The following LAMC3 variants were observed in gnomAD, a reference collection of about 807,000 sequenced individuals.
The protein encoded by LAMC3 is laminin subunit gamma-3.
Under a neutral mutation model 173.8 loss-of-function variants are expected in LAMC3, and 128 were observed. The ratio of observed to expected loss-of-function variants is 0.74; its 90% confidence interval spans 0.64 to 0.85. The LOEUF (loss-of-function observed/expected upper bound fraction) is 0.85. Among genes scored for constraint, LAMC3 ranks in the 40% least tolerant of loss-of-function variants. The pLI is 0.00. For synonymous variants in LAMC3, 897 were observed against 909.1 expected, an observed-to-expected ratio of 0.99 and a Z score of 0.24; for missense variants, 2,022 against 2,156.0, an observed-to-expected ratio of 0.94 and a Z score of 1.23.
rs1833936941 is a variant in LAMC3 at position 131,036,031 on chromosome 9, G to A, written c.810-135G>A. ...GTTACTGCTGCCCCCAGGGCACATAGTAGGTGTTCAGTGAGGGCCAAGATT... is the reference window on the plus strand; with the variant it reads ...GTTACTGCTGCCCCCAGGGCACATAATAGGTGTTCAGTGAGGGCCAAGATT... On this transcript the variant is annotated intron_variant, in intron 3 of 27. Coordinates refer to ENST00000361069, the MANE Select transcript of LAMC3 (RefSeq NM_006059.4). 9 of 881,066 alleles carry A rather than the reference G, an allele frequency of 1.0e-5. No homozygotes were observed. In the Admixed American group the frequency reaches 1.0e-4, roughly 10 times the overall value. The allele number at this position is 881,066 out of a possible 1,614,324, so 54.6% of individuals were successfully genotyped here.
intron 3 of LAMC3, among the ~76,000 whole-genome samples, chr9:131,032,476 C>G (rs374248822): frequency 6.6e-6 from 1 of 151,664 alleles, no homozygotes; most frequent in East Asian, 2.0e-4. Context: ...CGCTCTCGCT[C>G]TCTTTCTCTC....
intron 1 of LAMC3, among the ~76,000 whole-genome samples, chr9:131,019,616 T>C (rs748311293): frequency 5.3e-5 from 8 of 152,218 alleles, no homozygotes; most frequent in Non-Finnish European, 1.0e-4. Flanking sequence ...TTACTCACAC[T>C]GTATGGCTGA....
At chr9:131,053,208 G>A (rs1424671120) in intron 11 of LAMC3, among the ~76,000 whole-genome samples, 19 of 152,328 alleles carry the variant, frequency 1.2e-4, no homozygotes, top group Middle Eastern at 3.4e-3. Flanking sequence ...CCTGAAGGAT[G>A]GGCCTCAGAG....
chr9:131,064,770 T>C lies in LAMC3; in HGVS notation c.2348-2190T>C, dbSNP rs1223047801. 3.3e-4 allele frequency among the ~76,000 whole-genome samples: 50 copies of C among 151,732 alleles called. 2 individuals carry two copies. Among genetic ancestry groups the C allele is most frequent in the Admixed American group, 3.3e-3 (50 of 15,242 alleles). Reference sequence around the variant, plus strand: ...CATGTGAGCAGCCGGGCGTGGTGGCTTACACCTGTAATCCCAGCACTTTGG... The same window carrying C: ...CATGTGAGCAGCCGGGCGTGGTGGCCTACACCTGTAATCCCAGCACTTTGG... On this transcript the variant is annotated intron_variant, in intron 13 of 27. Transcript: ENST00000361069.
At chr9:131,032,433 T>TCCTTCCTTCCTTCCTCCCTCCCTTCCTC (rs1365309775) in intron 3 of LAMC3, among the ~76,000 whole-genome samples, 1 of 151,214 alleles carries the variant, frequency 6.6e-6, no homozygotes, top group Non-Finnish European at 1.5e-5. Flanking sequence ...GGAGGTTCCT[T>TCCTTCCTTCCTTCCTCCCTCCCTTCCTC]CCTTCCTCCC....
chr9:131,009,463 G>C lies in LAMC3; in HGVS notation c.249G>C (p.Gln83His). Residue 83 changes from glutamine (Q) to histidine (H), a missense_variant, in exon 1 of 28, where the codon CAG becomes CAC. Transcript: ENST00000361069. This position sits in a 1 kb window ranked among gnomAD's most constrained non-coding sequence, Gnocchi z 4.3. ...AGCGCTGCGACGCCGCCGACCCCCA[G>C]CGCCACCACAACGCCTCCTACCTCA... ...HCQRCDAADP[Q>H]RHHNASYLTD... The C allele has an allele frequency of 1.9e-6, 3 of 1,548,314 alleles. No individual in the cohort carries two copies. The highest frequency in any genetic ancestry group is 2.6e-6 in the Non-Finnish European group (3 of 1,146,538).
At chr9:131,032,449 C>CCCTTCCTCCCTTCCTCCCTT (rs1554784003) in intron 3 of LAMC3, among the ~76,000 whole-genome samples, 3 of 151,434 alleles carry the variant, frequency 2.0e-5, no homozygotes, top group Non-Finnish European at 4.4e-5. Context: ...CTCCCTCCCT[C>CCCTTCCTCCCTTCCTCCCTT]CCTCCCTTCC....
At chr9:131,045,801 G>C (rs979615589) in intron 8 of LAMC3, 141 bp downstream of exon 8, 2 of 1,088,626 alleles carry the variant, frequency 1.8e-6, no homozygotes, top group Non-Finnish European at 2.7e-6. Flanking sequence ...GTGGGGTCGG[G>C]GGTGAGATGA....
chr9:131,031,317 C>A (rs570593293), intron 2 of LAMC3, among the ~76,000 whole-genome samples: 1 of 152,084 alleles, frequency 6.6e-6, no homozygotes, highest in Non-Finnish European at 1.5e-5. Context: ...CCCGACTTCC[C>A]CTCCACGCTC....
At chr9:131,045,994 C>T (rs1020726695) in intron 8 of LAMC3, among the ~76,000 whole-genome samples, 10 of 152,180 alleles carry the variant, frequency 6.6e-5, no homozygotes, top group Admixed American at 4.6e-4. Context: ...GATTCAGGCT[C>T]AGTCTCCTGG....
At chr9:131,072,959 C>T in intron 19 of LAMC3, 124 bp downstream of exon 19, 2 of 900,096 alleles carry the variant, frequency 2.2e-6, no homozygotes, top group Non-Finnish European at 3.6e-6. Flanking sequence ...ATTTCATCTG[C>T]AAAGTGGGGA....
intron 4 of LAMC3, among the ~76,000 whole-genome samples, chr9:131,037,905 G>C (rs1306710310): frequency 6.6e-6 from 1 of 152,168 alleles, no homozygotes; most frequent in Non-Finnish European, 1.5e-5. Flanking sequence ...AGCCTCCCTG[G>C]AGCAAGCTCT....
At chr9:131,091,437 C>T (rs1466205523) in intron 27 of LAMC3, 100 bp from the exon 28 acceptor site, 6 of 1,474,084 alleles carry the variant, frequency 4.1e-6, no homozygotes, top group Non-Finnish European at 5.5e-6. Context: ...CCATTGGAAT[C>T]CTGGGAGGCC....
intron 11 of LAMC3, among the ~76,000 whole-genome samples, chr9:131,053,784 G>C (rs1191662979): frequency 1.4e-5 from 2 of 146,860 alleles, no homozygotes; most frequent in East Asian, 2.0e-4. Flanking sequence ...AGTGAGCCAA[G>C]ATTGCGCCAC....
chr9:131,059,179 G>A (rs1454253731), intron 12 of LAMC3, among the ~76,000 whole-genome samples: 2 of 151,112 alleles, frequency 1.3e-5, no homozygotes, highest in African/African-American at 4.9e-5. Flanking sequence ...CTGGGCGACA[G>A]AGTAAGACTC....
At chr9:131,045,760 T>C in intron 8 of LAMC3, 100 bp downstream of exon 8, 1 of 1,450,720 alleles carries the variant, frequency 6.9e-7, no homozygotes, top group Non-Finnish European at 9.6e-7. Flanking sequence ...TCTCCCATTG[T>C]GGAGAGGAGC....
At chr9:131,066,213 G>T (rs142455182) in intron 13 of LAMC3, among the ~76,000 whole-genome samples, 2 of 150,996 alleles carry the variant, frequency 1.3e-5, no homozygotes, top group African/African-American at 2.4e-5. Flanking sequence ...AAAAATAGCC[G>T]GTTGTGGTGG....
chr9:131,031,627 A>G (rs1833826186), intron 2 of LAMC3, among the ~76,000 whole-genome samples: 1 of 152,076 alleles, frequency 6.6e-6, no homozygotes, highest in Non-Finnish European at 1.5e-5. Flanking sequence ...CTGCTGGGAA[A>G]AGCCAGGTGA....
chr9:131,048,985 A>G (rs941421705), intron 8 of LAMC3, 35 bp from the exon 9 acceptor site: 1 of 1,398,724 alleles, frequency 7.1e-7, no homozygotes, highest in African/African-American at 1.4e-5. Context: ...CCGGGGCCTC[A>G]CACTGATCGG....
Sources: gnomAD v4.1 joint callset for allele counts (sites outside exome capture counted in the v4.1 genomes callset) on GRCh38, gnomAD v4.1.1 for gene constraint, Gnocchi (gnomAD v3.1) non-coding constraint, MANE v1.5 for transcripts, NCBI Gene and HGNC (gene_info 2026-07-23, HGNC 2026-07-21) for gene names.